INPP4B: variants seen among roughly 807,000 people sequenced by gnomAD.
INPP4B encodes the protein inositol polyphosphate 4-phosphatase type II.
Under a neutral mutation model 122.5 loss-of-function variants are expected in INPP4B, and 55 were observed. The ratio of observed to expected loss-of-function variants is 0.45; its 90% CI spans 0.36 to 0.56. INPP4B has a LOEUF of 0.56. INPP4B is among the 20% of genes least tolerant of loss of function. The pLI is 0.00. For missense variants in INPP4B, 1,000 were observed against 1,097.7 expected, an observed-to-expected ratio of 0.91 and a Z score of 1.26; for synonymous variants, 403 against 388.7, an observed-to-expected ratio of 1.04 and a Z score of -0.43.
At chr4:142,824,773 AT>A (rs1781247004) in intron 1 of INPP4B, among the ~76,000 whole-genome samples, 1 of 150,516 alleles carries the variant, frequency 6.6e-6, no homozygotes. Flanking sequence ...ATAGAAATGA[AT>A]TTTTTAAATA....
At chr4:142,836,175 CTT>C (rs1782743177) in intron 1 of INPP4B, among the ~76,000 whole-genome samples, 1 of 152,066 alleles carries the variant, frequency 6.6e-6, no homozygotes, top group South Asian at 2.1e-4. Context: ...CTCAATGAAA[CTT>C]CAATTGAAAT....
intron 7 of INPP4B, among the ~76,000 whole-genome samples, chr4:142,338,886 G>A (rs1160393795): frequency 6.6e-6 from 1 of 152,096 alleles, no homozygotes; most frequent in Non-Finnish European, 1.5e-5. Context: ...TACCTCAACA[G>A]GCTTCCTTGT....
chr4:142,054,478 T>C (rs772154459), intron 25 of INPP4B, among the ~76,000 whole-genome samples: 11 of 152,042 alleles, frequency 7.2e-5, no homozygotes, highest in Non-Finnish European at 1.5e-4. Context: ...TTCATGGTGA[T>C]AGGGAGAATG....
At chr4:142,179,561 T>TGAAAAATGATGCTAATA (rs145763456) in intron 15 of INPP4B, among the ~76,000 whole-genome samples, 1 of 143,968 alleles carries the variant, frequency 6.9e-6, no homozygotes, top group Non-Finnish European at 1.5e-5. Context: ...ATTAGCTCTG[T>TGAAAAATGATGCTAATA]GAAAAAAAAA....
intron 2 of INPP4B, among the ~76,000 whole-genome samples, chr4:142,569,789 G>A (rs747875519): frequency 2.0e-5 from 3 of 152,000 alleles, no homozygotes; most frequent in Admixed American, 6.6e-5. Flanking sequence ...ACAAAGGTCC[G>A]CATGAAAAAT....
intron 2 of INPP4B, among the ~76,000 whole-genome samples, chr4:142,646,242 T>C (rs1023135016): frequency 5.3e-5 from 8 of 151,936 alleles, no homozygotes; most frequent in Non-Finnish European, 4.4e-5. Context: ...ATTTTAAACA[T>C]CAACACAAGA....
chr4:142,028,677 C>T lies in INPP4B; in HGVS notation c.*105G>A, dbSNP rs910622791. ...TTTTGGGAAACATCTGTGATCATCT[C>T]CCCCACCACAAATTCATGACAATAA... On this transcript the variant is annotated 3_prime_UTR_variant, in exon 26 of 26. Coordinates refer to ENST00000262992, the MANE Select transcript of INPP4B (RefSeq NM_001101669.3). 16 of 1,188,124 alleles carry T rather than the reference C, an allele frequency of 1.3e-5. No individual in the cohort carries two copies. Among genetic ancestry groups the T allele is most frequent in the Non-Finnish European group, 1.8e-5 (15 of 841,422 alleles). The allele number at this position is 1,188,124 out of a possible 1,614,324, so 73.6% of individuals were successfully genotyped here.
At chr4:142,167,945 C>T (rs1197493281) in intron 16 of INPP4B, among the ~76,000 whole-genome samples, 1 of 150,642 alleles carries the variant, frequency 6.6e-6, no homozygotes, top group Non-Finnish European at 1.5e-5. Flanking sequence ...CTCCATTTCA[C>T]CTTTATTTTT....
intron 2 of INPP4B, among the ~76,000 whole-genome samples, chr4:142,598,705 C>A (rs1580463659): frequency 6.6e-6 from 1 of 152,158 alleles, no homozygotes; most frequent in African/African-American, 2.4e-5. Flanking sequence ...AGACAAGCAA[C>A]CCCAACCTCA....
At chr4:142,300,789 T>C (rs1761083993) in intron 9 of INPP4B, among the ~76,000 whole-genome samples, 2 of 152,156 alleles carry the variant, frequency 1.3e-5, no homozygotes, top group African/African-American at 4.8e-5. Flanking sequence ...AGATCATCAG[T>C]GTTTTATGTT....
chr4:142,429,714 A>C (rs893263305), intron 4 of INPP4B, among the ~76,000 whole-genome samples: 6 of 152,050 alleles, frequency 3.9e-5, no homozygotes, highest in African/African-American at 1.4e-4. Context: ...AATAGCTCAA[A>C]CCAACATTTT....
intron 2 of INPP4B, among the ~76,000 whole-genome samples, chr4:142,634,584 A>G (rs534972101): frequency 1.3e-5 from 2 of 152,306 alleles, no homozygotes; most frequent in South Asian, 2.1e-4. Flanking sequence ...AAGATAAATC[A>G]TATAACTATC....
chr4:142,257,283 TG>T (rs1561649547), intron 11 of INPP4B, among the ~76,000 whole-genome samples: 1 of 152,200 alleles, frequency 6.6e-6, no homozygotes. Context: ...GCATTCCCTT[TG>T]AAAACTGGCA....
intron 1 of INPP4B, among the ~76,000 whole-genome samples, chr4:142,747,877 G>GA (rs1459979280): frequency 6.6e-6 from 1 of 152,036 alleles, no homozygotes; most frequent in African/African-American, 2.4e-5. Flanking sequence ...TCAAGGGGTG[G>GA]GGGAGCTGGG....
At chr4:142,435,235 T>C (rs1810172854) in intron 3 of INPP4B, among the ~76,000 whole-genome samples, 1 of 152,156 alleles carries the variant, frequency 6.6e-6, no homozygotes, top group Non-Finnish European at 1.5e-5. Context: ...TCAACAGTAG[T>C]GGATAGGAAG....
At chr4:142,556,832 T>G (rs534988621) in intron 2 of INPP4B, among the ~76,000 whole-genome samples, 31 of 152,214 alleles carry the variant, frequency 2.0e-4, no homozygotes, top group African/African-American at 7.5e-4. Flanking sequence ...CAGGGGAAAG[T>G]ATCGATTGCA....
chr4:142,675,255 T>C (rs1384953264), intron 2 of INPP4B, among the ~76,000 whole-genome samples: 1 of 151,992 alleles, frequency 6.6e-6, no homozygotes, highest in Non-Finnish European at 1.5e-5. Context: ...CTAGAAGAAA[T>C]GGATAAATTC....
intron 2 of INPP4B, among the ~76,000 whole-genome samples, chr4:142,532,011 G>T (rs989433121): frequency 3.9e-5 from 6 of 152,024 alleles, no homozygotes; most frequent in Admixed American, 3.9e-4. Flanking sequence ...CCACCATCCT[G>T]GTTCAGATAA....
At position 142,738,431 on chromosome 4, in the gene INPP4B, G is replaced by A. The variant is rs539942129; in HGVS notation, c.-253-12530C>T. Reference sequence around the variant, plus strand: ...CAATGAGAACACACGGACACAGGAAGGAGAACATCACACACTGGGGCCTGT... The same window carrying A: ...CAATGAGAACACACGGACACAGGAAAGAGAACATCACACACTGGGGCCTGT... On this transcript the variant is annotated intron_variant, in intron 1 of 25. Coordinates refer to ENST00000262992, the MANE Select transcript of INPP4B (RefSeq NM_001101669.3). Among the ~76,000 whole-genome samples, 377 of 152,236 alleles carry A rather than the reference G, an allele frequency of 2.5e-3. 5 individuals are homozygous for A. Among genetic ancestry groups the A allele is most frequent in the East Asian group, 0.019 (96 of 5,164 alleles).
Sources: gnomAD v4.1 joint callset for allele counts (sites outside exome capture counted in the v4.1 genomes callset) on GRCh38, gnomAD v4.1.1 for gene constraint, MANE v1.5 for transcripts, NCBI Gene and HGNC (gene_info 2026-07-23, HGNC 2026-07-21) for gene names.